Variants in FBXL5 observed in about 807,000 individuals in gnomAD.
The protein encoded by FBXL5 is F-box and leucine rich repeat protein 5, also known as F-box/LRR-repeat protein 5.
Under a neutral mutation model 78.3 loss-of-function variants are expected in FBXL5, and 26 were observed. The observed-to-expected ratio is 0.33, with a 90% confidence interval of 0.24 to 0.46. FBXL5 has a LOEUF of 0.46. Among genes scored for constraint, FBXL5 ranks in the 20% least tolerant of loss-of-function variants. The pLI is 1.00. For synonymous variants in FBXL5, 295 were observed against 282.5 expected (o/e 1.04, Z -0.45); for missense variants, 710 against 829.2 (o/e 0.86, Z 1.77).
In FBXL5 at chr4:15,604,826, T is replaced by C. The variant is rs370971976; in HGVS notation, c.*897A>G. On this transcript the variant is annotated 3_prime_UTR_variant, in exon 11 of 11. Transcript: ENST00000341285. ...GTAGATATACTTACGGATTCAAATTTTGACTACTGAATAACTCATTTCAAA... is the reference window on the plus strand; with the variant it reads ...GTAGATATACTTACGGATTCAAATTCTGACTACTGAATAACTCATTTCAAA... The C allele has an allele frequency of 1.3e-4, 20 of 152,338 alleles. 6 individuals carry two copies. The highest frequency in any genetic ancestry group is 6.5e-5 in the Admixed American group (1 of 15,304). The allele number at this position is 152,338 out of a possible 1,614,324, so 9.4% of individuals were successfully genotyped here.
At chr4:15,617,783 A>C (rs1014728099) in intron 9 of FBXL5, among the ~76,000 whole-genome samples, 5 of 152,168 alleles carry the variant, frequency 3.3e-5, no homozygotes, top group African/African-American at 1.2e-4. Context: ...CATGGAAGGA[A>C]ACAACACATA....
chr4:15,642,158 T>G (rs1323345668), intron 2 of FBXL5, among the ~76,000 whole-genome samples: 1 of 152,114 alleles, frequency 6.6e-6, no homozygotes, highest in African/African-American at 2.4e-5. Flanking sequence ...AGCTATAAAC[T>G]TCTTCCTCAT....
intron 3 of FBXL5, 34 bp downstream of exon 3, chr4:15,640,754 T>C (rs372709722): frequency 6.1e-6 from 7 of 1,156,854 alleles, no homozygotes; most frequent in South Asian, 2.8e-5. Context: ...AAGAATGTTA[T>C]AAATCTAAAT....
rs775385809 is a variant in FBXL5, at chr4:15,638,645, T to C, written c.446A>G (p.Asp149Gly). The change falls in exon 4 of 11, where the codon GAT becomes GGT. Residue 149 changes from aspartate to glycine, a missense_variant. Physicochemically the swap from Asp to Gly is moderately conservative, Grantham distance 94. Around this residue, in one of 4 missense-constraint regions of FBXL5, gnomAD observed 517 missense variants for 542.9 expected, o/e 0.95. Transcript: ENST00000341285. ...TTGTGCAATCACTTTCTTTTTAATA[T>C]CCTTAAGCTCTTCATAGGTAAAATA... ...MEYFTYEELK[D>G]IKKKVIAQHC... 6.2e-7 allele frequency: 1 copy of C among 1,612,308 alleles called. No homozygotes were observed. Among genetic ancestry groups the C allele is most frequent in the Admixed American group, 1.7e-5 (1 of 59,614 alleles).
In FBXL5 at chr4:15,679,131, C is replaced by A. The variant is rs543577140; in HGVS notation, c.-284+2252G>T. 8.1e-5 allele frequency among the ~76,000 whole-genome samples: 12 copies of A among 147,394 alleles called. No homozygotes were observed. The East Asian group carries it at 2.4e-3, about 30-fold the overall frequency. ...AGGCTGGAGTGCAGCGGCGTGATCT[C>A]GGCTCACTGCAACCTCCGCCTCCTG... On this transcript the variant is annotated intron_variant, in intron 1 of 4. Coordinates refer to the FBXL5 transcript ENST00000507899.
At chr4:15,672,540 A>C (rs1717808160) in intron 1 of FBXL5, among the ~76,000 whole-genome samples, 1 of 152,196 alleles carries the variant, frequency 6.6e-6, no homozygotes, top group Non-Finnish European at 1.5e-5. Flanking sequence ...TTTGTATCTA[A>C]ACATAGAAAA....
At chr4:15,644,761 A>G in intron 1 of FBXL5, 53 bp from the exon 2 acceptor site, 1 of 1,304,528 alleles carries the variant, frequency 7.7e-7, no homozygotes, top group Non-Finnish European at 1.1e-6. Context: ...AATATGCACA[A>G]ATAAAAAATA....
intron 1 of FBXL5, among the ~76,000 whole-genome samples, chr4:15,679,264 T>C (rs1328914208): frequency 6.6e-6 from 1 of 152,068 alleles, no homozygotes. Context: ...GGTTTCACCA[T>C]GTTGGTCAGG....
intron 9 of FBXL5, among the ~76,000 whole-genome samples, chr4:15,615,918 T>C (rs1351171591): frequency 3.9e-5 from 6 of 152,122 alleles, no homozygotes; most frequent in African/African-American, 1.4e-4. Flanking sequence ...TCTTTCGCTC[T>C]TTGCAATAAA....
chr4:15,613,437 A>G (rs1403853715), intron 9 of FBXL5, among the ~76,000 whole-genome samples: 2 of 152,160 alleles, frequency 1.3e-5, no homozygotes, highest in Admixed American at 6.5e-5. Flanking sequence ...GATAAAATTA[A>G]AAGGTGGCTC....
upstream of FBXL5, chr4:15,655,520 C>A (rs991049987): frequency 2.4e-5 from 8 of 335,966 alleles, no homozygotes; most frequent in South Asian, 1.2e-4. Context: ...CTCCCGCCCC[C>A]ACTCTTTTCG....
At chr4:15,665,731 C>G (rs1717512384) in intron 1 of FBXL5, among the ~76,000 whole-genome samples, 1 of 152,040 alleles carries the variant, frequency 6.6e-6, no homozygotes, top group South Asian at 2.1e-4. Flanking sequence ...GAAACACAAA[C>G]TTAGGATGAG....
At chr4:15,680,089 G>T (rs375951625) in intron 1 of FBXL5, among the ~76,000 whole-genome samples, 3 of 151,550 alleles carry the variant, frequency 2.0e-5, no homozygotes, top group African/African-American at 7.3e-5. Context: ...CTGATAAGGA[G>T]GAATATCCAG....
chr4:15,614,966 G>C (rs931110036), intron 9 of FBXL5, among the ~76,000 whole-genome samples: 1 of 152,156 alleles, frequency 6.6e-6, no homozygotes, highest in Non-Finnish European at 1.5e-5. Flanking sequence ...GGGCCAGCTG[G>C]AGTTCCGGGT....
At chr4:15,667,434 TGAGACTAAGCAAAA>T (rs1717594817) in intron 1 of FBXL5, among the ~76,000 whole-genome samples, 1 of 151,944 alleles carries the variant, frequency 6.6e-6, no homozygotes, top group African/African-American at 2.4e-5. Context: ...TTCATCCAAA[TGAGACTAAGCAAAA>T]TCATATATTA....
At chr4:15,646,257 C>A (rs1459828237) in intron 1 of FBXL5, among the ~76,000 whole-genome samples, 1 of 152,076 alleles carries the variant, frequency 6.6e-6, no homozygotes, top group Non-Finnish European at 1.5e-5. Context: ...TCACAAAATA[C>A]TATTCTTCTT....
chr4:15,639,272 A>G (rs1167682637), intron 3 of FBXL5, among the ~76,000 whole-genome samples: 1 of 152,208 alleles, frequency 6.6e-6, no homozygotes, highest in Non-Finnish European at 1.5e-5. Context: ...TTCCCTTTAT[A>G]GAATTTGTCA....
chr4:15,665,494 T>G (rs1717503415), intron 1 of FBXL5, among the ~76,000 whole-genome samples: 1 of 152,146 alleles, frequency 6.6e-6, no homozygotes, highest in South Asian at 2.1e-4. Flanking sequence ...GGGACTACCT[T>G]ACAAATTTGC....
At chr4:15,650,920 G>A (rs1715950816) in intron 1 of FBXL5, among the ~76,000 whole-genome samples, 1 of 151,992 alleles carries the variant, frequency 6.6e-6, no homozygotes, top group African/African-American at 2.4e-5. Flanking sequence ...ATGAGCCACT[G>A]CACCCAACCT....
Sources: allele counts gnomAD v4.1 joint callset (sites outside exome capture counted in the v4.1 genomes callset), GRCh38; gene constraint gnomAD v4.1.1; regional missense constraint gnomAD v4.1.1; transcripts MANE v1.5; gene names NCBI Gene and HGNC (gene_info 2026-07-23, HGNC 2026-07-21).